MAP4K5: variants seen among roughly 807,000 people sequenced by gnomAD.
The protein encoded by MAP4K5 is MAPK/ERK kinase kinase kinase 5.
In MAP4K5, 82 loss-of-function variants were observed where a neutral mutation model predicts 135.6. The ratio of observed to expected loss-of-function variants is 0.60; its 90% CI spans 0.51 to 0.73. The LOEUF (loss-of-function observed/expected upper bound fraction) is 0.73, where lower values mean the gene tolerates loss of function less well. MAP4K5 is among the 30% of genes least tolerant of loss of function. The pLI, the probability that MAP4K5 is intolerant of heterozygous loss-of-function variation, is 0.00. For synonymous variants in MAP4K5, 347 were observed against 335.0 expected (o/e 1.04, Z -0.39); for missense variants, 907 against 1,010.9 (o/e 0.90, Z 1.39).
chr14:50,520,285 G>C (rs2038121404), intron 2 of MAP4K5, among the ~76,000 whole-genome samples: 1 of 152,134 alleles, frequency 6.6e-6, no homozygotes, highest in Non-Finnish European at 1.5e-5. Context: ...CATCACCTGA[G>C]GTCGGTAGTT....
chr14:50,438,002 G>GT lies in MAP4K5; in HGVS notation c.1714dup (p.Thr572AsnfsTer14). The GT allele has an allele frequency of 1.3e-6, 2 of 1,575,968 alleles. No individual in the cohort carries two copies. Among genetic ancestry groups the GT allele is most frequent in the Non-Finnish European group, 1.7e-6 (2 of 1,146,454 alleles). ...AAGATTGTGAGAGTAGAGCTGAAAG[G>GT]TTTTTCCTATAAAAGAAAAACATGT... is the stretch of plus-strand genomic sequence containing the variant. On this transcript the variant is annotated frameshift_variant, in exon 25 of 33. Transcript: ENST00000682126. LOFTEE classifies it high-confidence loss of function.
At chr14:50,512,858 A>T (rs1365659091) in intron 2 of MAP4K5, among the ~76,000 whole-genome samples, 1 of 152,152 alleles carries the variant, frequency 6.6e-6, no homozygotes, top group African/African-American at 2.4e-5. Flanking sequence ...GATACTCTCA[A>T]TTCTTTTTGT....
At chr14:50,503,615 G>C (rs1461849264) in intron 3 of MAP4K5, among the ~76,000 whole-genome samples, 2 of 151,852 alleles carry the variant, frequency 1.3e-5, no homozygotes, top group Non-Finnish European at 2.9e-5. Context: ...ATATTAGGTT[G>C]GCAAAAACTG....
At chr14:50,539,713 A>G (rs1178735776) in intron 2 of MAP4K5, among the ~76,000 whole-genome samples, 2 of 152,144 alleles carry the variant, frequency 1.3e-5, no homozygotes, top group Non-Finnish European at 1.5e-5. Flanking sequence ...CTTGGAGGAG[A>G]GCTTATACAA....
At chr14:50,459,566 C>T (rs548103486) in intron 13 of MAP4K5, among the ~76,000 whole-genome samples, 31 of 152,302 alleles carry the variant, frequency 2.0e-4, no homozygotes, top group Non-Finnish European at 3.7e-4. Context: ...TAATGGCTTT[C>T]TACTACCCTT....
chr14:50,464,833 T>C (rs2036795756), intron 11 of MAP4K5, among the ~76,000 whole-genome samples: 1 of 152,128 alleles, frequency 6.6e-6, no homozygotes, highest in African/African-American at 2.4e-5. Flanking sequence ...TGCATCACAT[T>C]TGGTGGCTTG....
At chr14:50,521,476 C>T (rs1436849809) in intron 2 of MAP4K5, among the ~76,000 whole-genome samples, 1 of 152,152 alleles carries the variant, frequency 6.6e-6, no homozygotes, top group Admixed American at 6.5e-5. Context: ...GTGCCATCTA[C>T]TAACAGTAAG....
intron 2 of MAP4K5, among the ~76,000 whole-genome samples, chr14:50,515,782 C>G (rs974692553): frequency 6.6e-6 from 1 of 152,138 alleles, no homozygotes; most frequent in Non-Finnish European, 1.5e-5. Flanking sequence ...CTCACCTATC[C>G]TAACTGATCA....
At chr14:50,489,661 CTGTT>C (rs1331805520) in intron 3 of MAP4K5, among the ~76,000 whole-genome samples, 2 of 152,150 alleles carry the variant, frequency 1.3e-5, no homozygotes, top group African/African-American at 2.4e-5. Flanking sequence ...ATCCATGGCA[CTGTT>C]TGTGTCATGT....
chr14:50,516,337 TCA>T (rs2038032936), intron 2 of MAP4K5, among the ~76,000 whole-genome samples: 1 of 152,164 alleles, frequency 6.6e-6, no homozygotes, highest in Non-Finnish European at 1.5e-5. Context: ...AGATGGGGGC[TCA>T]GTTTTGGACA....
chr14:50,486,240 C>A, intron 3 of MAP4K5, 46 bp from the exon 4 acceptor site: 1 of 671,070 alleles, frequency 1.5e-6, no homozygotes, highest in African/African-American at 1.9e-5. Context: ...AAAATCTCTA[C>A]ATATGAAAAG....
intron 32 of MAP4K5, 36 bp downstream of exon 32, chr14:50,423,085 C>T (rs930800843): frequency 1.3e-5 from 14 of 1,066,652 alleles, no homozygotes; most frequent in Non-Finnish European, 1.8e-5. Context: ...TCTTTGAACT[C>T]CTTTGGTAAT....
chr14:50,499,771 A>C (rs1189905153), intron 3 of MAP4K5, among the ~76,000 whole-genome samples: 1 of 152,218 alleles, frequency 6.6e-6, no homozygotes, highest in Non-Finnish European at 1.5e-5. Flanking sequence ...GAAAAAATCA[A>C]AACTGCAGAT....
At chr14:50,433,715 A>G (rs923010090) in intron 28 of MAP4K5, among the ~76,000 whole-genome samples, 2 of 152,236 alleles carry the variant, frequency 1.3e-5, no homozygotes, top group African/African-American at 4.8e-5. Flanking sequence ...TGAAATAGCC[A>G]TAACTAAAGC....
chr14:50,486,191 T>A lies in MAP4K5; in HGVS notation c.170A>T (p.Asp57Val), dbSNP rs1224098325. The A allele has an allele frequency of 8.9e-7, 1 of 1,129,902 alleles. No homozygotes were observed. Among genetic ancestry groups the A allele is most frequent in the Admixed American group, 2.5e-5 (1 of 39,256 alleles). 70.0% of individuals were successfully genotyped at this position (1,129,902 alleles called of 1,614,324 possible). ...TTCTTGTTGAATCAAAGAAAAATCA[T>A]CTCCTGGAAAACAAAATAAGTTGTT... Reference protein sequence around the residue: ...AVKIIKLEPGDDFSLIQQEIF... With the variant: ...AVKIIKLEPGVDFSLIQQEIF... The change falls in exon 4 of 33, where the codon GAT becomes GTT. Residue 57 changes from aspartate (D) to valine (V), a missense_variant. Physicochemically the swap from Asp to Val is radical, Grantham distance 152 (BLOSUM62 -3). Coordinates refer to ENST00000682126, the MANE Select transcript of MAP4K5 (RefSeq NM_006575.6).
chr14:50,469,696 T>C (rs985690391), intron 9 of MAP4K5, among the ~76,000 whole-genome samples: 20 of 152,186 alleles, frequency 1.3e-4, no homozygotes, highest in African/African-American at 4.8e-4. Flanking sequence ...AATAGAGCTA[T>C]TATTAAACAA....
chr14:50,475,032 T>C (rs1214841277), intron 9 of MAP4K5, 45 bp downstream of exon 9: 9 of 1,492,292 alleles, frequency 6.0e-6, no homozygotes, highest in Non-Finnish European at 6.5e-6. Context: ...CACAAAACCA[T>C]GAAGAAATGA....
Position 50,443,283 on chromosome 14 carries a change from T to C in MAP4K5, c.1479+446A>G, listed in dbSNP as rs537361423. Among the ~76,000 whole-genome samples, 8 of 152,290 alleles carry C rather than the reference T, an allele frequency of 5.3e-5. No homozygotes were observed. The South Asian group carries it at 1.0e-3, about 20-fold the overall frequency. The stretch of plus-strand genomic sequence containing the variant: ...TGTATAAAGCATCCCATTCATACGA[T>C]TGGTTCCCATCCCATTCATGGGATC... On this transcript the variant is annotated intron_variant, in intron 20 of 32. Coordinates refer to ENST00000682126, the MANE Select transcript of MAP4K5 (RefSeq NM_006575.6).
chr14:50,512,506 A>C (rs1051856824), intron 2 of MAP4K5, among the ~76,000 whole-genome samples: 1 of 152,172 alleles, frequency 6.6e-6, no homozygotes, highest in Non-Finnish European at 1.5e-5. Flanking sequence ...AAATGCAAAA[A>C]ATACAAACTA....
Sources: allele counts gnomAD v4.1 joint callset (sites outside exome capture counted in the v4.1 genomes callset), GRCh38; gene constraint gnomAD v4.1.1; transcripts MANE v1.5; gene names NCBI Gene and HGNC (gene_info 2026-07-23, HGNC 2026-07-21).